The following ARHGAP35 variants were observed in gnomAD, a reference collection of about 807,000 sequenced individuals.
ARHGAP35 encodes rho GTPase-activating protein 35.
In ARHGAP35, 15 loss-of-function variants were observed where a neutral mutation model predicts 111.1. The observed-to-expected ratio is 0.13, with a 90% CI of 0.09 to 0.21. The LOEUF is 0.21. Ranked by LOEUF, ARHGAP35 falls within the 10% of genes least tolerant of loss-of-function variation. ARHGAP35 has a pLI of 1.00. For missense variants in ARHGAP35, 1,262 were observed against 1,873.0 expected (o/e 0.67, Z 6.02); for synonymous variants, 643 against 710.3 (o/e 0.91, Z 1.51).
At chr19:46,897,462 TAC>T (rs2056063513) in intron 1 of ARHGAP35, among the ~76,000 whole-genome samples, 1 of 151,084 alleles carries the variant, frequency 6.6e-6, no homozygotes, top group Non-Finnish European at 1.5e-5. Flanking sequence ...TTTTTTTTTT[TAC>T]GACCTCCAAC....
In ARHGAP35 at chr19:46,965,905, G is replaced by A. The variant is rs148071981; in HGVS notation, c.3827-22084G>A. Among the ~76,000 whole-genome samples the A allele has an allele frequency of 5.7e-3, 870 of 152,294 alleles. 8 individuals carry two copies. Among genetic ancestry groups the A allele is most frequent in the African/African-American group, 0.019 (810 of 41,556 alleles). ...AAAAGAATAATTGAACACCTGTTAT[G>A]TGTCAGTTCCATTAGATGCTGGAGG... On this transcript the variant is annotated intron_variant, in intron 3 of 6. Transcript: ENST00000672722.
intron 3 of ARHGAP35, among the ~76,000 whole-genome samples, chr19:46,955,325 G>C (rs2056433346): frequency 1.3e-5 from 2 of 152,294 alleles, no homozygotes; most frequent in Admixed American, 1.3e-4. Flanking sequence ...AACATAATCA[G>C]ATGGCAAGGA....
chr19:46,928,090 G>A (rs1011600482), intron 2 of ARHGAP35, among the ~76,000 whole-genome samples: 3 of 152,176 alleles, frequency 2.0e-5, no homozygotes, highest in Non-Finnish European at 2.9e-5. Flanking sequence ...ATAGCAACTG[G>A]AACTTTGAGA....
intron 3 of ARHGAP35, among the ~76,000 whole-genome samples, chr19:46,952,851 T>C (rs1169641055): frequency 6.6e-6 from 1 of 152,144 alleles, no homozygotes; most frequent in Non-Finnish European, 1.5e-5. Context: ...GCAGTTTTTG[T>C]ATTTTTTGTA....
At chr19:46,963,195 C>A (rs1489705974) in intron 3 of ARHGAP35, among the ~76,000 whole-genome samples, 2 of 152,114 alleles carry the variant, frequency 1.3e-5, no homozygotes, top group Non-Finnish European at 2.9e-5. Flanking sequence ...GGGGTTCTAT[C>A]TGGAAACCTT....
intron 1 of ARHGAP35, among the ~76,000 whole-genome samples, chr19:46,898,572 T>C (rs756081248): frequency 6.6e-6 from 1 of 152,234 alleles, no homozygotes; most frequent in Non-Finnish European, 1.5e-5. Flanking sequence ...ATTTCCTCAT[T>C]CTCTGTTATT....
intron 1 of ARHGAP35, among the ~76,000 whole-genome samples, chr19:46,877,824 A>G (rs1225905467): frequency 1.3e-5 from 2 of 151,682 alleles, no homozygotes; most frequent in African/African-American, 2.4e-5. Flanking sequence ...CTCCTGCCTC[A>G]GCCTCCCAAG....
intron 3 of ARHGAP35, chr19:46,949,026 G>C (rs749571587): frequency 2.0e-5 from 3 of 152,016 alleles, no homozygotes; most frequent in Non-Finnish European, 4.4e-5. Context: ...GAGTGGTGGC[G>C]GGCGCTTGTA....
intron 1 of ARHGAP35, among the ~76,000 whole-genome samples, chr19:46,913,589 A>G (rs1381916917): frequency 2.0e-5 from 3 of 152,122 alleles, no homozygotes; most frequent in Non-Finnish European, 4.4e-5. Context: ...TATTTGCATT[A>G]TGTTTTATTA....
intron 3 of ARHGAP35, chr19:46,947,174 C>G (rs1230926211): frequency 4.6e-5 from 7 of 152,170 alleles, no homozygotes; most frequent in Non-Finnish European, 1.0e-4. Context: ...GATGGCAGAT[C>G]TTGTTCATTA....
In ARHGAP35 at chr19:46,920,863, T is replaced by A. The variant is rs748066588; in HGVS notation, c.2188T>A (p.Cys730Ser). 1 of 1,613,850 alleles carries A rather than the reference T, an allele frequency of 6.2e-7. No individual in the cohort carries two copies. Among genetic ancestry groups the A allele is most frequent in the Non-Finnish European group, 8.5e-7 (1 of 1,179,820 alleles). The stretch of plus-strand genomic sequence containing the variant: ...TCAACAAATTGCTAGCAAACTTCAG[T>A]GTGTCTTTCTCGACCCTGCTTCTGC... Reference protein sequence around the residue: ...QGQQIASKLQCVFLDPASAGI... With the variant: ...QGQQIASKLQSVFLDPASAGI... Residue 730 changes from cysteine to serine, a missense_variant, in exon 2 of 7, where the codon TGT becomes AGT. Physicochemically the swap from Cys to Ser is moderately radical, Grantham distance 112 (BLOSUM62 -1). Around this residue, in one of 8 missense-constraint regions of ARHGAP35, gnomAD observed 579 missense variants for 716.9 expected, o/e 0.81. Transcript: ENST00000672722. The surrounding 1 kb of genome is among the most constrained non-coding windows in gnomAD (Gnocchi z 7.0).
chr19:46,904,092 T>C (rs2056094187), intron 1 of ARHGAP35, among the ~76,000 whole-genome samples: 1 of 152,136 alleles, frequency 6.6e-6, no homozygotes, highest in South Asian at 2.1e-4. Flanking sequence ...GGGTCTTGAT[T>C]AATGTGATCA....
rs116256041 is a variant in ARHGAP35 at position 46,985,858 on chromosome 19, T to C, written c.3827-2131T>C. 8.7e-3 allele frequency among the ~76,000 whole-genome samples: 1,286 copies of C among 147,250 alleles called. 15 individuals are homozygous for C. Among genetic ancestry groups the C allele is most frequent in the African/African-American group, 0.031 (1,236 of 39,528 alleles). On this transcript the variant is annotated intron_variant, in intron 3 of 6. Coordinates refer to ENST00000672722, the MANE Select transcript of ARHGAP35 (RefSeq NM_004491.5). Reference sequence around the variant, plus strand: ...TTTAAGCCAGAGAATTGATGCCTCTTGCTCCAGTGTTCTTGAAGCCTCAAG... The same window carrying C: ...TTTAAGCCAGAGAATTGATGCCTCTCGCTCCAGTGTTCTTGAAGCCTCAAG...
intron 3 of ARHGAP35, among the ~76,000 whole-genome samples, chr19:46,967,966 C>T (rs2122286004): frequency 6.6e-6 from 1 of 152,300 alleles, no homozygotes; most frequent in South Asian, 2.1e-4. Context: ...CTGTGCTTTC[C>T]CAGTGAACAC....
rs182359783 is a variant in ARHGAP35 at position 47,001,854 on chromosome 19, A to T, written c.*1166A>T. On this transcript the variant is annotated 3_prime_UTR_variant, in exon 7 of 7. Transcript: ENST00000672722. This position sits in a 1 kb window ranked among gnomAD's most constrained non-coding sequence, Gnocchi z 5.4. The stretch of plus-strand genomic sequence containing the variant: ...TTGGTGTGTTGGGTGTTGAAGTGGA[A>T]TCGTTTCATCCCAGCCATGGAGGCC... The T allele has an allele frequency of 3.9e-5, 7 of 179,530 alleles. No homozygotes were observed. The East Asian group carries it at 1.1e-3, about 29-fold the overall frequency. The allele number at this position is 179,530 out of a possible 1,614,324, so 11.1% of individuals were successfully genotyped here.
At chr19:46,998,635 T>C (rs1326888942) in intron 5 of ARHGAP35, among the ~76,000 whole-genome samples, 1 of 152,258 alleles carries the variant, frequency 6.6e-6, no homozygotes, top group Non-Finnish European at 1.5e-5. Flanking sequence ...TGGGGACTCA[T>C]GGAACTGGGC....
intron 3 of ARHGAP35, among the ~76,000 whole-genome samples, chr19:46,957,554 A>G (rs2056447228): frequency 6.6e-6 from 1 of 152,156 alleles, no homozygotes; most frequent in African/African-American, 2.4e-5. Flanking sequence ...TCAAGGCTTC[A>G]GTGAGCTGCG....
chr19:46,919,649 T>C lies in ARHGAP35; in HGVS notation c.974T>C (p.Ile325Thr), dbSNP rs75913661. The change falls in exon 2 of 7, where the codon ATC becomes ACC. Residue 325 changes from isoleucine (I) to threonine (T), a missense_variant. Physicochemically the swap from Ile to Thr is moderately conservative, Grantham distance 89. This residue lies in a region of ARHGAP35 where 328 missense variants were observed against 440.8 expected (regional missense o/e 0.74). Coordinates refer to ENST00000672722, the MANE Select transcript of ARHGAP35 (RefSeq NM_004491.5). This position sits in a 1 kb window ranked among gnomAD's most constrained non-coding sequence, Gnocchi z 6.2. ...QKAKKLFLQH[I>T]HRLKHEHIER... ...GCCAAGAAGCTGTTTCTACAGCACA[T>C]CCACCGCCTCAAGCATGAGCATATC... 1 of 1,613,820 alleles carries C rather than the reference T, an allele frequency of 6.2e-7. No homozygotes were observed. Among genetic ancestry groups the C allele is most frequent in the Non-Finnish European group, 8.5e-7 (1 of 1,179,864 alleles).
Position 47,001,341 on chromosome 19 carries a change from C to G in ARHGAP35, c.*653C>G, listed in dbSNP as rs1253413730. On this transcript the variant is annotated 3_prime_UTR_variant, in exon 7 of 7. Transcript: ENST00000672722. This position sits in a 1 kb window ranked among gnomAD's most constrained non-coding sequence, Gnocchi z 5.4. ...CCCCACCGTCCCACTCCACAGCCTT[C>G]CCGAAACATTCCCTGGCAAACAAAG... is the stretch of plus-strand genomic sequence containing the variant. 2 of 1,290,198 alleles carry G rather than the reference C, an allele frequency of 1.6e-6. No individual in the cohort carries two copies. Among genetic ancestry groups the G allele is most frequent in the Non-Finnish European group, 2.0e-6 (2 of 989,164 alleles). 79.9% of individuals were successfully genotyped at this position (1,290,198 alleles called of 1,614,324 possible). A position where few individuals can be genotyped will look rare whatever the true frequency, so the allele number is the denominator to read the frequency against.
Sources: allele counts gnomAD v4.1 joint callset (sites outside exome capture counted in the v4.1 genomes callset), GRCh38; gene constraint gnomAD v4.1.1; regional missense constraint gnomAD v4.1.1; non-coding constraint Gnocchi (gnomAD v3.1); transcripts MANE v1.5; gene names NCBI Gene and HGNC (gene_info 2026-07-23, HGNC 2026-07-21).